The following NCAM1 variants were observed in gnomAD, a reference collection of about 807,000 sequenced individuals.
NCAM1 encodes antigen recognized by monoclonal antibody 5.1H11.
In NCAM1, 14 loss-of-function variants were observed where a neutral mutation model predicts 109.8. That is an observed-to-expected ratio of 0.13 (90% CI 0.08 to 0.20). The LOEUF is 0.20. Among genes scored for constraint, NCAM1 ranks in the 10% least tolerant of loss-of-function variants. The pLI is 1.00. For missense variants in NCAM1, 774 were observed against 1,109.9 expected, an observed-to-expected ratio of 0.70 and a Z score of 4.30; for synonymous variants, 418 against 442.9, an observed-to-expected ratio of 0.94 and a Z score of 0.70.
At chr11:112,965,889 G>C (rs1950717287) in intron 1 of NCAM1, among the ~76,000 whole-genome samples, 1 of 152,116 alleles carries the variant, frequency 6.6e-6, no homozygotes, top group East Asian at 1.9e-4. Context: ...GCTTGTGATG[G>C]AGAGCAGAAC....
At chr11:113,269,134 T>C (rs1946209932) in intron 17 of NCAM1, among the ~76,000 whole-genome samples, 1 of 152,106 alleles carries the variant, frequency 6.6e-6, no homozygotes, top group African/African-American at 2.4e-5. Flanking sequence ...CAGACACTGA[T>C]GGGAACCACC....
At chr11:113,154,176 G>T (rs965407489) in intron 1 of NCAM1, among the ~76,000 whole-genome samples, 3 of 152,216 alleles carry the variant, frequency 2.0e-5, no homozygotes, top group Non-Finnish European at 4.4e-5. Flanking sequence ...AACCTTAATG[G>T]AATGATGCAG....
chr11:113,218,866 A>T (rs549039511), intron 8 of NCAM1, among the ~76,000 whole-genome samples: 1 of 152,342 alleles, frequency 6.6e-6, no homozygotes, highest in South Asian at 2.1e-4. Context: ...GATCATCTGT[A>T]TGAAAGTCAT....
Position 113,243,897 on chromosome 11 carries a change from T to G in NCAM1, c.1826-2471T>G, listed in dbSNP as rs1259421446. 3 of 188,296 alleles carry G rather than the reference T, an allele frequency of 1.6e-5. No homozygotes were observed. The East Asian group carries it at 3.7e-4, about 23-fold the overall frequency. The allele number at this position is 188,296 out of a possible 1,614,324, so 11.7% of individuals were successfully genotyped here. A position where few individuals can be genotyped will look rare whatever the true frequency, so the allele number is the denominator to read the frequency against. On this transcript the variant is annotated intron_variant, in intron 14 of 19. Coordinates refer to ENST00000316851, the MANE Select transcript of NCAM1 (RefSeq NM_181351.5). ...TGTGTGTTGCATGAAATGGTTCTTT[T>G]TTTTCTACTGCAGAACACAGCTAAG...
At position 113,277,224 on chromosome 11, in the gene NCAM1, C is replaced by G; in HGVS notation, c.*1837C>G. 1 of 397,880 alleles carries G rather than the reference C, an allele frequency of 2.5e-6. No homozygotes were observed. The highest frequency in any genetic ancestry group is 3.6e-5 in the East Asian group (1 of 28,044). The allele number at this position is 397,880 out of a possible 1,614,324, so 24.6% of individuals were successfully genotyped here. On this transcript the variant is annotated 3_prime_UTR_variant, in exon 20 of 20. Coordinates refer to ENST00000316851, the MANE Select transcript of NCAM1 (RefSeq NM_181351.5). ...CTGCCTCTGGGTCCATTCTGTGGGC[C>G]ACTCTCCCCAACGTTCTGACACTTC...
chr11:113,216,123 T>G (rs1310325349), intron 8 of NCAM1, among the ~76,000 whole-genome samples: 1 of 152,052 alleles, frequency 6.6e-6, no homozygotes, highest in Non-Finnish European at 1.5e-5. Flanking sequence ...AGGTTGGCAC[T>G]TCTGGCTTGT....
chr11:113,051,924 TAC>T (rs1480516648), intron 1 of NCAM1, among the ~76,000 whole-genome samples: 6 of 152,242 alleles, frequency 3.9e-5, no homozygotes, highest in Admixed American at 3.3e-4. Context: ...TGATACCTGT[TAC>T]AGTTTGCCCA....
intron 1 of NCAM1, among the ~76,000 whole-genome samples, chr11:112,968,934 G>A (rs558690135): frequency 2.0e-4 from 31 of 152,284 alleles, no homozygotes; most frequent in East Asian, 3.9e-4. Flanking sequence ...TTCAGGAATC[G>A]TGTGGAGTTT....
intron 1 of NCAM1, among the ~76,000 whole-genome samples, chr11:112,992,325 T>C (rs913439825): frequency 2.6e-5 from 4 of 152,196 alleles, no homozygotes; most frequent in African/African-American, 9.6e-5. Flanking sequence ...ATCTTGTAGT[T>C]GTTTCATTGG....
intron 1 of NCAM1, among the ~76,000 whole-genome samples, chr11:113,149,066 A>G (rs887486607): frequency 6.6e-6 from 1 of 152,174 alleles, no homozygotes; most frequent in African/African-American, 2.4e-5. Context: ...CTAGTCGGGG[A>G]CTTCCAAAGG....
At chr11:113,020,884 G>A (rs922147414) in intron 1 of NCAM1, among the ~76,000 whole-genome samples, 1 of 152,094 alleles carries the variant, frequency 6.6e-6, no homozygotes, top group Admixed American at 6.5e-5. Flanking sequence ...AGCCTCTTGA[G>A]TAGCTGGGAT....
At chr11:113,012,314 G>A (rs782438749) in intron 1 of NCAM1, among the ~76,000 whole-genome samples, 3 of 152,036 alleles carry the variant, frequency 2.0e-5, no homozygotes, top group Non-Finnish European at 4.4e-5. Context: ...ACTGTGCCCG[G>A]CTGGGAAAAA....
At chr11:113,064,063 G>A (rs1159708742) in intron 1 of NCAM1, among the ~76,000 whole-genome samples, 5 of 152,170 alleles carry the variant, frequency 3.3e-5, no homozygotes, top group Non-Finnish European at 7.3e-5. Flanking sequence ...TACAACTATT[G>A]AAACAGTTCT....
intron 8 of NCAM1, among the ~76,000 whole-genome samples, chr11:113,219,310 C>T (rs2137069416): frequency 6.6e-6 from 1 of 152,298 alleles, no homozygotes; most frequent in East Asian, 1.9e-4. Context: ...AACCCAGGGC[C>T]CGCTTTTAAA....
At chr11:113,006,840 T>C (rs1951905018) in intron 1 of NCAM1, among the ~76,000 whole-genome samples, 1 of 152,216 alleles carries the variant, frequency 6.6e-6, no homozygotes, top group African/African-American at 2.4e-5. Context: ...TGGCAATTTC[T>C]TGCATAATAT....
At chr11:112,971,574 C>T (rs1157222604) in intron 1 of NCAM1, among the ~76,000 whole-genome samples, 1 of 152,114 alleles carries the variant, frequency 6.6e-6, no homozygotes, top group East Asian at 1.9e-4. Context: ...TGGTATCTCA[C>T]TGTGTTGCCC....
intron 17 of NCAM1, chr11:113,262,972 G>A (rs1946051416): frequency 6.3e-7 from 1 of 1,590,946 alleles, no homozygotes; most frequent in African/African-American, 1.3e-5. Flanking sequence ...CAGTTCCTAT[G>A]AAAAAGATCA....
At chr11:113,034,244 C>T (rs769854319) in intron 1 of NCAM1, among the ~76,000 whole-genome samples, 1 of 152,034 alleles carries the variant, frequency 6.6e-6, no homozygotes. Flanking sequence ...AGAAACTCTT[C>T]CCCTGGGGAT....
At chr11:113,189,260 G>A (rs1215037776) in intron 1 of NCAM1, among the ~76,000 whole-genome samples, 4 of 151,940 alleles carry the variant, frequency 2.6e-5, no homozygotes. Flanking sequence ...GACCAGCCTG[G>A]CCAATATGGT....
Sources: gnomAD v4.1 joint callset for allele counts (sites outside exome capture counted in the v4.1 genomes callset) on GRCh38, gnomAD v4.1.1 for gene constraint, MANE v1.5 for transcripts, NCBI Gene and HGNC (gene_info 2026-07-23, HGNC 2026-07-21) for gene names.